The following XYLT1 variants were observed in gnomAD, a reference collection of about 807,000 sequenced individuals.
The protein encoded by XYLT1 is xylosyltransferase 1.
A neutral mutation model predicts 91.3 loss-of-function variants in XYLT1; 36 were observed. The observed-to-expected ratio is 0.39, with a 90% confidence interval of 0.30 to 0.52. XYLT1 has a LOEUF of 0.52. XYLT1 is among the 20% of genes least tolerant of loss of function. XYLT1 has a pLI of 0.68. For missense variants in XYLT1, 1,242 were observed against 1,284.5 expected (o/e 0.97, Z 0.51); for synonymous variants, 588 against 532.0 (o/e 1.11, Z -1.45).
At chr16:17,188,835 C>A (rs2032246324) in intron 5 of XYLT1, among the ~76,000 whole-genome samples, 1 of 152,150 alleles carries the variant, frequency 6.6e-6, no homozygotes, top group African/African-American at 2.4e-5. Context: ...GCCCATTTTA[C>A]AGATGAAGTA....
chr16:17,353,339 G>C (rs1255250887), intron 2 of XYLT1, among the ~76,000 whole-genome samples: 2 of 152,194 alleles, frequency 1.3e-5, no homozygotes, highest in Non-Finnish European at 2.9e-5. Context: ...CAGAGAGCCT[G>C]TTGAGGGTGG....
intron 2 of XYLT1, among the ~76,000 whole-genome samples, chr16:17,345,653 T>G (rs2035133758): frequency 6.6e-6 from 1 of 152,234 alleles, no homozygotes; most frequent in Admixed American, 6.5e-5. Context: ...GGTGATGCAC[T>G]GAGCAAGTGA....
chr16:17,137,231 C>T (rs964561044), intron 8 of XYLT1, among the ~76,000 whole-genome samples: 1 of 152,168 alleles, frequency 6.6e-6, no homozygotes, highest in Non-Finnish European at 1.5e-5. Context: ...ACTTGGAACA[C>T]CCCTCCATGC....
intron 3 of XYLT1, among the ~76,000 whole-genome samples, chr16:17,239,143 A>T (rs76047758): frequency 0.022 from 3,398 of 152,318 alleles, 53 homozygotes; most frequent in Non-Finnish European, 0.033. Context: ...TCTTGCCTAG[A>T]CTACCCCAAA....
At chr16:17,350,203 A>G (rs1483028644) in intron 2 of XYLT1, among the ~76,000 whole-genome samples, 1 of 152,160 alleles carries the variant, frequency 6.6e-6, no homozygotes, top group African/African-American at 2.4e-5. Context: ...GTTCTGAGTT[A>G]AGGGCTTAAA....
At chr16:17,273,920 G>A (rs16968668) in intron 2 of XYLT1, among the ~76,000 whole-genome samples, 17,943 of 150,966 alleles carry the variant, frequency 0.12, 1,221 homozygotes, top group African/African-American at 0.15. Flanking sequence ...TCAGTCATTC[G>A]TTTATTTTGG....
intron 8 of XYLT1, among the ~76,000 whole-genome samples, chr16:17,136,350 C>A (rs531619015): frequency 6.6e-6 from 1 of 152,128 alleles, no homozygotes; most frequent in East Asian, 1.9e-4. Context: ...GCCCCCTGAT[C>A]GTAAGTACCC....
At chr16:17,362,355 A>G (rs1272962640) in intron 1 of XYLT1, among the ~76,000 whole-genome samples, 1 of 152,210 alleles carries the variant, frequency 6.6e-6, no homozygotes, top group African/African-American at 2.4e-5. Flanking sequence ...GCAAGGAACC[A>G]TGTAAAGTTA....
At chr16:17,240,137 C>T (rs1418737763) in intron 3 of XYLT1, among the ~76,000 whole-genome samples, 1 of 152,194 alleles carries the variant, frequency 6.6e-6, no homozygotes, top group Non-Finnish European at 1.5e-5. Flanking sequence ...TGGGTTTAAA[C>T]TCAGATCCAA....
chr16:17,415,340 C>T (rs2036167174), intron 1 of XYLT1, among the ~76,000 whole-genome samples: 1 of 152,140 alleles, frequency 6.6e-6, no homozygotes, highest in South Asian at 2.1e-4. Flanking sequence ...TGCTGGAATC[C>T]GAGTCTTTAT....
intron 4 of XYLT1, 51 bp downstream of exon 4, chr16:17,200,431 G>GGACA: frequency 6.3e-7 from 1 of 1,587,430 alleles, no homozygotes; most frequent in Non-Finnish European, 8.6e-7. Flanking sequence ...AGGGAGGGAC[G>GGACA]GACAGACCCC....
chr16:17,469,378 G>A (rs1228105176), intron 1 of XYLT1, among the ~76,000 whole-genome samples: 1 of 152,206 alleles, frequency 6.6e-6, no homozygotes, highest in Non-Finnish European at 1.5e-5. Context: ...CAACACATTG[G>A]CTATGCCCTA....
intron 2 of XYLT1, among the ~76,000 whole-genome samples, chr16:17,311,908 C>T (rs1448501353): frequency 6.6e-6 from 1 of 151,892 alleles, no homozygotes; most frequent in Non-Finnish European, 1.5e-5. Flanking sequence ...GAGACTTATT[C>T]ACTACAATGA....
chr16:17,333,536 G>A (rs934882332), intron 2 of XYLT1, among the ~76,000 whole-genome samples: 6 of 151,278 alleles, frequency 4.0e-5, no homozygotes, highest in African/African-American at 1.5e-4. Flanking sequence ...GGGTTTCAAC[G>A]TCCATGTCAC....
chr16:17,210,934 C>G (rs1050608532), intron 3 of XYLT1, among the ~76,000 whole-genome samples: 1 of 152,220 alleles, frequency 6.6e-6, no homozygotes, highest in Non-Finnish European at 1.5e-5. Flanking sequence ...GAACTGGCAT[C>G]TCCAGCAGGT....
chr16:17,261,488 G>T (rs2033721589), intron 2 of XYLT1, among the ~76,000 whole-genome samples: 1 of 152,148 alleles, frequency 6.6e-6, no homozygotes, highest in African/African-American at 2.4e-5. Flanking sequence ...GCAGATCACA[G>T]ACCCCACACT....
intron 2 of XYLT1, among the ~76,000 whole-genome samples, chr16:17,327,955 G>A (rs2034837862): frequency 6.6e-6 from 1 of 152,108 alleles, no homozygotes; most frequent in Non-Finnish European, 1.5e-5. Flanking sequence ...TCTGCTTCAA[G>A]GACTTGATGT....
At chr16:17,380,247 C>T (rs2141882868) in intron 1 of XYLT1, among the ~76,000 whole-genome samples, 2 of 152,268 alleles carry the variant, frequency 1.3e-5, no homozygotes, top group South Asian at 4.1e-4. Context: ...GAGATCATGC[C>T]ACTGAACTCC....
chr16:17,317,824 C>T (rs567849820), intron 2 of XYLT1, among the ~76,000 whole-genome samples: 35 of 152,172 alleles, frequency 2.3e-4, no homozygotes, highest in African/African-American at 8.4e-4. Flanking sequence ...CTCTTCCTCT[C>T]ACTCATCAAT....
Sources: gnomAD v4.1 joint callset for allele counts (sites outside exome capture counted in the v4.1 genomes callset) on GRCh38, gnomAD v4.1.1 for gene constraint, MANE v1.5 for transcripts, NCBI Gene and HGNC (gene_info 2026-07-23, HGNC 2026-07-21) for gene names.